IGSF11: variants seen among roughly 807,000 people sequenced by gnomAD.
IGSF11 encodes CXADR like 1.
A neutral mutation model predicts 41.0 loss-of-function variants in IGSF11; 22 were observed. The observed-to-expected ratio is 0.54, with a 90% confidence interval of 0.38 to 0.77. IGSF11 has a LOEUF of 0.77. Among genes scored for constraint, IGSF11 ranks in the 30% least tolerant of loss-of-function variants. IGSF11 has a pLI of 0.00. For missense variants in IGSF11, 444 were observed against 530.8 expected, an observed-to-expected ratio of 0.84 and a Z score of 1.61; for synonymous variants, 219 against 201.3, an observed-to-expected ratio of 1.09 and a Z score of -0.74.
chr3:118,989,339 A>C (rs769527265), intron 1 of IGSF11, among the ~76,000 whole-genome samples: 30 of 145,244 alleles, frequency 2.1e-4, no homozygotes, highest in Non-Finnish European at 4.0e-4. Context: ...GAGTAAATAT[A>C]TAGAAAACCT....
chr3:119,022,304 T>C (rs188344275), intron 1 of IGSF11, among the ~76,000 whole-genome samples: 1 of 152,198 alleles, frequency 6.6e-6, no homozygotes, highest in Non-Finnish European at 1.5e-5. Flanking sequence ...GCCTAATAGT[T>C]ATAGATTTTG....
chr3:119,028,732 T>A (rs1210786718), intron 1 of IGSF11, among the ~76,000 whole-genome samples: 1 of 151,964 alleles, frequency 6.6e-6, no homozygotes, highest in Admixed American at 6.6e-5. Context: ...TTGATCTCTA[T>A]CACCTGTTCC....
chr3:119,032,819 G>A (rs1465714695), intron 1 of IGSF11, among the ~76,000 whole-genome samples: 1 of 152,164 alleles, frequency 6.6e-6, no homozygotes, highest in Non-Finnish European at 1.5e-5. Context: ...TTTTAAAAAT[G>A]CAAACTCCTT....
chr3:118,902,366 T>C lies in IGSF11; in HGVS notation c.*154A>G, dbSNP rs1046112705. ...AGCATTTCAGTCCATTTTACACATC[T>C]TAGTGGCCAAGTAACAGCACTGCCT... is the stretch of plus-strand genomic sequence containing the variant. On this transcript the variant is annotated 3_prime_UTR_variant, in exon 7 of 7. Transcript: ENST00000393775. 11 of 621,484 alleles carry C rather than the reference T, an allele frequency of 1.8e-5. No individual in the cohort carries two copies. The Admixed American group carries it at 3.2e-4, about 18-fold the overall frequency. The allele number at this position is 621,484 out of a possible 1,614,324, so 38.5% of individuals were successfully genotyped here.
chr3:119,008,726 C>G (rs1458188971), intron 1 of IGSF11, among the ~76,000 whole-genome samples: 1 of 152,132 alleles, frequency 6.6e-6, no homozygotes, highest in Non-Finnish European at 1.5e-5. Flanking sequence ...TATGAGGTAC[C>G]CAGATATTTG....
At chr3:119,045,636 C>T (rs1941313038) in intron 1 of IGSF11, among the ~76,000 whole-genome samples, 2 of 151,956 alleles carry the variant, frequency 1.3e-5, no homozygotes, top group Non-Finnish European at 1.5e-5. Flanking sequence ...CTGGGTGGAG[C>T]CCACCACAGC....
chr3:118,933,371 G>A (rs1943003358), intron 1 of IGSF11, among the ~76,000 whole-genome samples: 2 of 151,798 alleles, frequency 1.3e-5, no homozygotes, highest in South Asian at 4.2e-4. Flanking sequence ...CAGACGCTGA[G>A]GATGACTACC....
chr3:119,049,640 A>C (rs544635416), intron 1 of IGSF11, among the ~76,000 whole-genome samples: 10 of 152,274 alleles, frequency 6.6e-5, no homozygotes, highest in African/African-American at 2.4e-4. Context: ...CAGAATTGGA[A>C]AAAACTACTT....
intron 4 of IGSF11, among the ~76,000 whole-genome samples, chr3:118,906,300 G>C (rs1939584394): frequency 6.6e-6 from 1 of 152,130 alleles, no homozygotes; most frequent in Non-Finnish European, 1.5e-5. Flanking sequence ...GGCAGGGAGA[G>C]CCTCAGACTT....
At chr3:119,109,252 T>G (rs2077096029), upstream of IGSF11, among the ~76,000 whole-genome samples, 1 of 150,066 alleles carries the variant, frequency 6.7e-6, no homozygotes, top group South Asian at 2.2e-4. Flanking sequence ...TATTGATTAT[T>G]GCCACAATTT....
intron 1 of IGSF11, among the ~76,000 whole-genome samples, chr3:119,071,513 T>G (rs2076399179): frequency 6.6e-6 from 1 of 152,200 alleles, no homozygotes; most frequent in Non-Finnish European, 1.5e-5. Flanking sequence ...TAGTGTGAGG[T>G]AGGGGTCCAA....
At chr3:119,039,203 G>A (rs1476874629), upstream of IGSF11, among the ~76,000 whole-genome samples, 2 of 152,198 alleles carry the variant, frequency 1.3e-5, no homozygotes, top group African/African-American at 2.4e-5. Context: ...CAACACAAAT[G>A]TGTTATAGTT....
At chr3:119,106,384 T>G (rs1360272620), upstream of IGSF11, among the ~76,000 whole-genome samples, 1 of 152,156 alleles carries the variant, frequency 6.6e-6, no homozygotes, top group African/African-American at 2.4e-5. Flanking sequence ...CAGCCTCTGG[T>G]AACCATTTTT....
intron 1 of IGSF11, among the ~76,000 whole-genome samples, chr3:119,117,542 C>G (rs186815277): frequency 6.6e-6 from 1 of 152,136 alleles, no homozygotes; most frequent in African/African-American, 2.4e-5. Context: ...GTCCCTCCCA[C>G]GACACATGGA....
chr3:119,122,931 A>G (rs2077353052), intron 1 of IGSF11, among the ~76,000 whole-genome samples: 1 of 152,146 alleles, frequency 6.6e-6, no homozygotes, highest in Non-Finnish European at 1.5e-5. Context: ...TGTGGTGGCT[A>G]TGGTGAGAGG....
intron 1 of IGSF11, among the ~76,000 whole-genome samples, chr3:118,991,390 A>C (rs1022150603): frequency 6.6e-6 from 1 of 152,172 alleles, no homozygotes; most frequent in Admixed American, 6.5e-5. Flanking sequence ...TGATTTTACC[A>C]AAGTATGTAA....
At chr3:118,920,259 A>T (rs924341876) in intron 4 of IGSF11, among the ~76,000 whole-genome samples, 14 of 149,408 alleles carry the variant, frequency 9.4e-5, no homozygotes, top group Non-Finnish European at 1.9e-4. Flanking sequence ...TTAAAGTATA[A>T]AAAAAAAAAC....
rs186778144 is a variant in IGSF11, at chr3:118,978,326, C to T, written c.53-48051G>A. Among the ~76,000 whole-genome samples, 15 of 152,294 alleles carry T rather than the reference C, an allele frequency of 9.8e-5. No individual in the cohort carries two copies. The East Asian group carries it at 2.9e-3, about 29-fold the overall frequency. On this transcript the variant is annotated intron_variant, in intron 1 of 6. Transcript: ENST00000393775. ...CAACTGGTCACAGCCACTGCCAACA[C>T]TAGCACAGACCACTTGGGTTTCAGA...
intron 1 of IGSF11, among the ~76,000 whole-genome samples, chr3:119,087,712 T>A (rs2076699574): frequency 6.6e-6 from 1 of 151,848 alleles, no homozygotes; most frequent in Non-Finnish European, 1.5e-5. Context: ...ATCTCAGAAA[T>A]CACCACTACA....
Sources: allele counts gnomAD v4.1 joint callset (sites outside exome capture counted in the v4.1 genomes callset), GRCh38; gene constraint gnomAD v4.1.1; transcripts MANE v1.5; gene names NCBI Gene and HGNC (gene_info 2026-07-23, HGNC 2026-07-21).